The following JAKMIP1 variants were observed in gnomAD, a reference collection of about 807,000 sequenced individuals.
The protein encoded by JAKMIP1 is janus kinase and microtubule-interacting protein 1.
Under a neutral mutation model 113.0 loss-of-function variants are expected in JAKMIP1, and 33 were observed. The ratio of observed to expected loss-of-function variants is 0.29; its 90% CI spans 0.22 to 0.39. JAKMIP1 has a LOEUF of 0.39. JAKMIP1 is among the 10% of genes least tolerant of loss of function. The pLI is 1.00. For missense variants in JAKMIP1, 813 were observed against 1,080.5 expected (o/e 0.75, Z 3.47); for synonymous variants, 480 against 459.9 (o/e 1.04, Z -0.56).
rs1712621337 is a variant in JAKMIP1, at chr4:6,031,310, G to A, written c.2380-1529C>T. On this transcript the variant is annotated intron_variant, in intron 19 of 20. Coordinates refer to ENST00000409021, the MANE Select transcript of JAKMIP1 (RefSeq NM_001099433.2). The surrounding 1 kb of genome is among the most constrained non-coding windows in gnomAD (Gnocchi z 4.4). ...CCGGGCTTGGTGGTGCGCTCCTGTA[G>A]GGAGGCTGAGACAGGAGAATTGCTT... Among the ~76,000 whole-genome samples, 1 of 152,102 alleles carries A rather than the reference G, an allele frequency of 6.6e-6. No homozygotes were observed. The highest frequency in any genetic ancestry group is 2.4e-5 in the African/African-American group (1 of 41,430).
In JAKMIP1 at chr4:6,113,319, G is replaced by GAC. The variant is rs1214371472; in HGVS notation, c.-147-324_-147-323dup. Among the ~76,000 whole-genome samples, 5 of 152,352 alleles carry GAC rather than the reference G, an allele frequency of 3.3e-5. No homozygotes were observed. The East Asian group carries it at 9.6e-4, about 29-fold the overall frequency. On this transcript the variant is annotated intron_variant, in intron 1 of 20. Coordinates refer to ENST00000409021, the MANE Select transcript of JAKMIP1 (RefSeq NM_001099433.2). ...GACCAGCCCATCTCAGCAGCCTGCAGACCATGGTCTGCCAACATCAGTGAG... is the reference window on the plus strand; with the variant it reads ...GACCAGCCCATCTCAGCAGCCTGCAGACACCATGGTCTGCCAACATCAGTGAG...
Position 6,142,978 on chromosome 4 carries a change from T to C in JAKMIP1, c.-147-29981A>G, listed in dbSNP as rs79186805. Among the ~76,000 whole-genome samples, 3,462 of 152,212 alleles carry C rather than the reference T, an allele frequency of 0.023. 133 individuals carry two copies. Among genetic ancestry groups the C allele is most frequent in the African/African-American group, 0.079 (3,286 of 41,502 alleles). On this transcript the variant is annotated intron_variant, in intron 1 of 20. Coordinates refer to ENST00000409021, the MANE Select transcript of JAKMIP1 (RefSeq NM_001099433.2). This position sits in a 1 kb window ranked among gnomAD's most constrained non-coding sequence, Gnocchi z 5.5. Reference sequence around the variant, plus strand: ...TGGCCTCTCATCTCTGACTATACTATCAATATGAAAAGAAAAACTGCCTCG... The same window carrying C: ...TGGCCTCTCATCTCTGACTATACTACCAATATGAAAAGAAAAACTGCCTCG...
In JAKMIP1 at chr4:6,180,026, C is replaced by T. The variant is rs912369968; in HGVS notation, c.-148+20227G>A. ...CATCCTCTTAGAAGCCATGCAAGAA[C>T]ATTTGCAGGGATAAACAGCAGGCTC... On this transcript the variant is annotated intron_variant, in intron 1 of 20. Coordinates refer to ENST00000409021, the MANE Select transcript of JAKMIP1 (RefSeq NM_001099433.2). The surrounding 1 kb of genome is among the most constrained non-coding windows in gnomAD (Gnocchi z 4.5). Among the ~76,000 whole-genome samples the T allele has an allele frequency of 2.6e-5, 4 of 152,206 alleles. No individual in the cohort carries two copies. The highest frequency in any genetic ancestry group is 9.7e-5 in the African/African-American group (4 of 41,442).
At position 6,049,233 on chromosome 4, in the gene JAKMIP1, G is replaced by A. The variant is rs765955507; in HGVS notation, c.1963-311C>T. On this transcript the variant is annotated intron_variant, in intron 15 of 20. Coordinates refer to ENST00000409021, the MANE Select transcript of JAKMIP1 (RefSeq NM_001099433.2). The surrounding 1 kb of genome is among the most constrained non-coding windows in gnomAD (Gnocchi z 7.0). The stretch of plus-strand genomic sequence containing the variant: ...GTATTTTTAGCAGAGACAGGGTTTC[G>A]CCATGTTGGCCAGGCTGGTCTCGAA... Among the ~76,000 whole-genome samples, 2 of 152,100 alleles carry A rather than the reference G, an allele frequency of 1.3e-5. No individual in the cohort carries two copies. Among genetic ancestry groups the A allele is most frequent in the African/African-American group, 2.4e-5 (1 of 41,412 alleles).
Position 6,155,103 on chromosome 4 carries a change from G to A in JAKMIP1, c.-147-42106C>T, listed in dbSNP as rs1003681253. On this transcript the variant is annotated intron_variant, in intron 1 of 20. Transcript: ENST00000409021. This position sits in a 1 kb window ranked among gnomAD's most constrained non-coding sequence, Gnocchi z 6.1. ...CTGGGAAGATACTTCTGGTGACAGTGTTGGGGTGTGCTGAAATTGGATCTG... is the reference window on the plus strand; with the variant it reads ...CTGGGAAGATACTTCTGGTGACAGTATTGGGGTGTGCTGAAATTGGATCTG... Among the ~76,000 whole-genome samples the A allele has an allele frequency of 3.3e-5, 5 of 152,156 alleles. No individual in the cohort carries two copies. The highest frequency in any genetic ancestry group is 1.2e-4 in the African/African-American group (5 of 41,440).
chr4:6,085,089 T>TGTGG, intron 4 of JAKMIP1, 124 bp from the exon 5 acceptor site: 1 of 1,199,748 alleles, frequency 8.3e-7, no homozygotes, highest in Non-Finnish European at 1.1e-6. Context: ...GGGGCCCACA[T>TGTGG]GCCACACAGC....
At position 6,136,689 on chromosome 4, in the gene JAKMIP1, C is replaced by G. The variant is rs1035367580; in HGVS notation, c.-147-23692G>C. Among the ~76,000 whole-genome samples the G allele has an allele frequency of 6.6e-6, 1 of 152,154 alleles. No individual in the cohort carries two copies. Among genetic ancestry groups the G allele is most frequent in the African/African-American group, 2.4e-5 (1 of 41,438 alleles). ...CCAGTCAGGAGCCACACTAAAGAAT[C>G]TGGAATTCCAAGAAATGGCCTGCCC... is the stretch of plus-strand genomic sequence containing the variant. On this transcript the variant is annotated intron_variant, in intron 1 of 20. Coordinates refer to ENST00000409021, the MANE Select transcript of JAKMIP1 (RefSeq NM_001099433.2). This position sits in a 1 kb window ranked among gnomAD's most constrained non-coding sequence, Gnocchi z 5.9.
intron 19 of JAKMIP1, among the ~76,000 whole-genome samples, chr4:6,035,681 G>A (rs559266586): frequency 9.8e-5 from 15 of 152,366 alleles, no homozygotes; most frequent in South Asian, 2.1e-4. Context: ...TTGGATGAAT[G>A]TTTCAGCGTT....
chr4:6,065,004 T>C lies in JAKMIP1; in HGVS notation c.1307A>G (p.His436Arg). The C allele has an allele frequency of 6.2e-7, 1 of 1,614,192 alleles. No individual in the cohort carries two copies. The highest frequency in any genetic ancestry group is 8.5e-7 in the Non-Finnish European group (1 of 1,180,034). Residue 436 changes from histidine to arginine, a missense_variant, in exon 9 of 21, where the codon CAT becomes CGT. His to Arg is a conservative substitution (Grantham distance 29, BLOSUM62 0). Around this residue, in one of 2 missense-constraint regions of JAKMIP1, gnomAD observed 540 missense variants for 653.9 expected, o/e 0.83. Transcript: ENST00000409021. The surrounding 1 kb of genome is among the most constrained non-coding windows in gnomAD (Gnocchi z 5.1). ...AAATCCAAAAAATGTCTCCACAACATGCTTCTGTAAAACGCAATTTGTATG... is the reference window on the plus strand; with the variant it reads ...AAATCCAAAAAATGTCTCCACAACACGCTTCTGTAAAACGCAATTTGTATG... Reference protein sequence around the residue: ...RGKSLKPPKKHVVETFFGFDE... With the variant: ...RGKSLKPPKKRVVETFFGFDE...
intron 7 of JAKMIP1, among the ~76,000 whole-genome samples, chr4:6,079,233 T>A (rs1056013753): frequency 6.6e-6 from 1 of 152,208 alleles, no homozygotes; most frequent in African/African-American, 2.4e-5. Flanking sequence ...CTAAGCTGCA[T>A]TGAGTCTTTT....
intron 10 of JAKMIP1, 114 bp downstream of exon 10, chr4:6,062,198 A>G (rs1311651441): frequency 3.5e-6 from 4 of 1,140,432 alleles, no homozygotes; most frequent in Non-Finnish European, 5.2e-6. Context: ...GTTCCCCACC[A>G]CCTCTCAGAA....
At position 6,078,928 on chromosome 4, in the gene JAKMIP1, C is replaced by T. The variant is rs142678738; in HGVS notation, c.1302+11G>A. 2.9e-5 allele frequency: 47 copies of T among 1,614,106 alleles called. No individual in the cohort carries two copies. The African/African-American group carries it at 3.7e-4, about 13-fold the overall frequency. ...CGGCAAGGTAGGGCAGGTGCACCAT[C>T]GCAGGCTCACCTTGGGCGGTTTCAG... is the stretch of plus-strand genomic sequence containing the variant. On this transcript the variant is annotated intron_variant, in intron 8 of 20. Transcript: ENST00000409021.
chr4:6,123,176 A>C (rs114543241), intron 1 of JAKMIP1, among the ~76,000 whole-genome samples: 2,605 of 152,346 alleles, frequency 0.017, 76 homozygotes, highest in African/African-American at 0.06. Flanking sequence ...GAGGTTGTAC[A>C]GTCCCGTGGA....
At position 6,154,945 on chromosome 4, in the gene JAKMIP1, G is replaced by A. The variant is rs1214389111; in HGVS notation, c.-147-41948C>T. 3.9e-5 allele frequency among the ~76,000 whole-genome samples: 6 copies of A among 152,150 alleles called. No individual in the cohort carries two copies. The highest frequency in any genetic ancestry group is 6.5e-5 in the Admixed American group (1 of 15,284). On this transcript the variant is annotated intron_variant, in intron 1 of 20. Transcript: ENST00000409021. The surrounding 1 kb of genome is among the most constrained non-coding windows in gnomAD (Gnocchi z 4.2). ...ACACAGAGCACGCAGGGAAAGGTGC[G>A]GGGTAGGGTGGGGGGTCTTAGCTGG...
intron 1 of JAKMIP1, among the ~76,000 whole-genome samples, chr4:6,165,955 C>T (rs78765632): frequency 0.016 from 2,432 of 152,232 alleles, 60 homozygotes; most frequent in African/African-American, 0.056. Flanking sequence ...TCACCTCCCC[C>T]AGCTCCTGAG....
intron 10 of JAKMIP1, among the ~76,000 whole-genome samples, chr4:6,060,895 T>A (rs1279221711): frequency 6.6e-6 from 1 of 152,236 alleles, no homozygotes; most frequent in African/African-American, 2.4e-5. Flanking sequence ...TCAGCCATCA[T>A]CAGACTTCAA....
rs968809250 is a variant in JAKMIP1 at position 6,088,380 on chromosome 4, C to A, written c.625-2751G>T. Among the ~76,000 whole-genome samples, 1 of 152,138 alleles carries A rather than the reference C, an allele frequency of 6.6e-6. No homozygotes were observed. The highest frequency in any genetic ancestry group is 2.4e-5 in the African/African-American group (1 of 41,440). On this transcript the variant is annotated intron_variant, in intron 3 of 20. Coordinates refer to ENST00000409021, the MANE Select transcript of JAKMIP1 (RefSeq NM_001099433.2). The surrounding 1 kb of genome is among the most constrained non-coding windows in gnomAD (Gnocchi z 5.5). Reference sequence around the variant, plus strand: ...CGGGTAAGGGAGGGTTCTTGTCTGCCCCTCAGTATCAGCTTTGCAGTGAAG... The same window carrying A: ...CGGGTAAGGGAGGGTTCTTGTCTGCACCTCAGTATCAGCTTTGCAGTGAAG...
intron 2 of JAKMIP1, among the ~76,000 whole-genome samples, chr4:6,111,152 C>G (rs1042205857): frequency 6.6e-6 from 1 of 152,186 alleles, no homozygotes; most frequent in Non-Finnish European, 1.5e-5. Flanking sequence ...CCAGCCCCGT[C>G]CCCACCTGGA....
At chr4:6,117,450 A>G (rs1280987429) in intron 1 of JAKMIP1, among the ~76,000 whole-genome samples, 2 of 152,208 alleles carry the variant, frequency 1.3e-5, no homozygotes, top group East Asian at 3.8e-4. Context: ...GACATCAGGT[A>G]CTTAACAGGG....
Sources: allele counts gnomAD v4.1 joint callset (sites outside exome capture counted in the v4.1 genomes callset), GRCh38; gene constraint gnomAD v4.1.1; regional missense constraint gnomAD v4.1.1; non-coding constraint Gnocchi (gnomAD v3.1); transcripts MANE v1.5; gene names NCBI Gene and HGNC (gene_info 2026-07-23, HGNC 2026-07-21).